The following NOP9 variants were observed in gnomAD, a reference collection of about 807,000 sequenced individuals.
NOP9 encodes the protein NOP9 nucleolar protein.
A neutral mutation model predicts 63.0 loss-of-function variants in NOP9; 50 were observed. The observed-to-expected ratio is 0.79, with a 90% CI of 0.63 to 1.00. The LOEUF is 1.00. Among genes scored for constraint, NOP9 ranks in the 50% least tolerant of loss-of-function variants. The pLI, the probability that NOP9 is intolerant of heterozygous loss-of-function variation, is 0.00. For missense variants in NOP9, 758 were observed against 803.0 expected (o/e 0.94, Z 0.68); for synonymous variants, 343 against 332.8 (o/e 1.03, Z -0.33).
At chr14:24,302,484 T>TTA in intron 5 of NOP9, 60 bp downstream of exon 5, 1 of 1,481,766 alleles carries the variant, frequency 6.7e-7, no homozygotes, top group Non-Finnish European at 9.2e-7. Flanking sequence ...GGACCTTATT[T>TTA]TATGGTCTGT....
chr14:24,299,355 T>C, upstream of NOP9: 1 of 449,078 alleles, frequency 2.2e-6, no homozygotes. Context: ...AGTGGGACTG[T>C]CCAGAGGTGG....
intron 1 of NOP9, 48 bp from the exon 2 acceptor site, chr14:24,300,358 CTG>C: frequency 6.3e-7 from 1 of 1,575,628 alleles, no homozygotes; most frequent in South Asian, 1.1e-5. Context: ...GGGTACATAA[CTG>C]TATTCTCTAC....
the NOP9 span, chr14:24,291,556 C>T: frequency 2.5e-6 from 4 of 1,614,232 alleles, no homozygotes; most frequent in Non-Finnish European, 3.4e-6. Flanking sequence ...CAAACTTCAC[C>T]TGTTGCCAAA....
Position 24,300,089 on chromosome 14 carries a change from G to T in NOP9, c.135G>T (p.Gly45=), listed in dbSNP as rs545911691. The change falls in exon 1 of 10, where the codon GGG becomes GGT. Residue 45 remains glycine (G), a synonymous_variant. Coordinates refer to ENST00000267425, the MANE Select transcript of NOP9 (RefSeq NM_174913.3). ...GGCAACCCTGGCCGCCTCCGGATGG[G>T]CGCTCGGAGCCGGCTCCAGATTCGC... ...RKRQPWPPPD[G]RSEPAPDSHP... is the part of the protein sequence containing the mutation. 6.2e-7 allele frequency: 1 copy of T among 1,613,168 alleles called. No individual in the cohort carries two copies. The highest frequency in any genetic ancestry group is 1.7e-5 in the Admixed American group (1 of 60,030).
At chr14:24,292,260 G>A in the NOP9 span, 36 of 1,613,958 alleles carry the variant, frequency 2.2e-5, no homozygotes, top group Middle Eastern at 1.6e-4. Context: ...CACAATCCCC[G>A]GCCACAGAGA....
chr14:24,304,875 T>G (rs2139134197), intron 9 of NOP9, 63 bp from the exon 10 acceptor site: 2 of 1,473,516 alleles, frequency 1.4e-6, no homozygotes, highest in East Asian at 4.8e-5. Context: ...GGAGGGATCT[T>G]TACGTCAAGT....
rs2041406785 is a variant in NOP9, at chr14:24,303,135, CA to C, written c.1206del (p.Val404Ter). ...VLEAVLAQGHPGVVIALVGAC... is the reference protein window; with the variant it reads ...VLEAVLAQGHXGVVIALVGAC... Reference sequence around the variant, plus strand: ...GAAGCTGTATTGGCCCAGGGCCACCCAGGGGTAGTCATTGCCCTGGTGGGGG... The same window carrying C: ...GAAGCTGTATTGGCCCAGGGCCACCCGGGGTAGTCATTGCCCTGGTGGGGG... On this transcript the variant is annotated frameshift_variant, in exon 6 of 10. Transcript: ENST00000267425. LOFTEE classifies it high-confidence loss of function. The C allele has an allele frequency of 1.9e-6, 3 of 1,612,332 alleles. No individual in the cohort carries two copies. The African/African-American group carries it at 4.0e-5, about 22-fold the overall frequency.
the NOP9 span, chr14:24,292,709 G>A: frequency 6.2e-7 from 1 of 1,614,220 alleles, no homozygotes; most frequent in Non-Finnish European, 8.5e-7. Context: ...TTCCTGGGGA[G>A]GAGATGACCA....
chr14:24,292,140 C>G, the NOP9 span: 1 of 1,611,858 alleles, frequency 6.2e-7, no homozygotes, highest in Non-Finnish European at 8.5e-7. Flanking sequence ...GATGCAGAGG[C>G]CGACTCCCCT....
At chr14:24,301,130 A>G (rs141025260) in intron 2 of NOP9, among the ~76,000 whole-genome samples, 1 of 152,156 alleles carries the variant, frequency 6.6e-6, no homozygotes, top group African/African-American at 2.4e-5. Context: ...AAATGGACTT[A>G]AGCAAAAGTA....
At chr14:24,301,200 A>T (rs968954215) in intron 2 of NOP9, among the ~76,000 whole-genome samples, 5 of 152,014 alleles carry the variant, frequency 3.3e-5, no homozygotes, top group Admixed American at 1.3e-4. Context: ...CATGCAGCCC[A>T]CTCTGTTATT....
chr14:24,286,405 C>T, the NOP9 span, among the ~76,000 whole-genome samples: 1 of 152,162 alleles, frequency 6.6e-6, no homozygotes, highest in Non-Finnish European at 1.5e-5. Context: ...CTAGTCCATC[C>T]TCCCCATACC....
At chr14:24,292,819 G>A in the NOP9 span, 12 of 1,593,538 alleles carry the variant, frequency 7.5e-6, no homozygotes, top group Admixed American at 7.2e-5. Flanking sequence ...GGAATGAACC[G>A]TGTTAGTGCT....
chr14:24,284,194 A>T, the NOP9 span, among the ~76,000 whole-genome samples: 1 of 152,226 alleles, frequency 6.6e-6, no homozygotes, highest in Non-Finnish European at 1.5e-5. Flanking sequence ...AGTTGTGTCC[A>T]GCCTAGGGAG....
At chr14:24,296,870 G>C (rs749847093), upstream of NOP9, 1 of 1,614,188 alleles carries the variant, frequency 6.2e-7, no homozygotes, top group Non-Finnish European at 8.5e-7. Flanking sequence ...ATTGGCCCCC[G>C]AGGGATTGTG....
chr14:24,282,779 G>A, the NOP9 span, among the ~76,000 whole-genome samples: 3 of 152,152 alleles, frequency 2.0e-5, no homozygotes, highest in Admixed American at 1.3e-4. Flanking sequence ...GGGTCCTTAT[G>A]TCCTCCAGAT....
At chr14:24,286,838 C>T in the NOP9 span, among the ~76,000 whole-genome samples, 11 of 151,936 alleles carry the variant, frequency 7.2e-5, no homozygotes, top group African/African-American at 1.5e-4. Context: ...GTGATCCGCC[C>T]GTCTCGGCCT....
the NOP9 span, chr14:24,293,059 A>G: frequency 7.1e-6 from 3 of 420,622 alleles, no homozygotes; most frequent in Non-Finnish European, 1.3e-5. Flanking sequence ...AAAATTGTTC[A>G]GGGGGAGAAA....
intron 6 of NOP9, 63 bp from the exon 7 acceptor site, chr14:24,303,669 C>G: frequency 6.4e-7 from 1 of 1,571,444 alleles, no homozygotes; most frequent in Non-Finnish European, 8.7e-7. Flanking sequence ...AAGGTGTTCC[C>G]TTAAAGTTGA....
Sources: allele counts gnomAD v4.1 joint callset (sites outside exome capture counted in the v4.1 genomes callset), GRCh38; gene constraint gnomAD v4.1.1; transcripts MANE v1.5; gene names NCBI Gene and HGNC (gene_info 2026-07-23, HGNC 2026-07-21).